Variants in DCDC1 observed in about 807,000 individuals in gnomAD.
DCDC1 encodes doublecortin domain-containing protein 1.
A neutral mutation model predicts 178.3 loss-of-function variants in DCDC1; 200 were observed. The ratio of observed to expected loss-of-function variants is 1.12; its 90% CI spans 1.00 to 1.26. DCDC1 has a LOEUF of 1.26. Among genes scored for constraint, DCDC1 ranks in the 50% most tolerant of loss-of-function variants. The pLI is 0.00. For missense variants in DCDC1, 1,983 were observed against 1,749.2 expected (o/e 1.13, Z -2.38); for synonymous variants, 690 against 604.8 (o/e 1.14, Z -2.07).
chr11:30,928,810 A>G (rs1165345273), intron 22 of DCDC1, among the ~76,000 whole-genome samples: 1 of 151,138 alleles, frequency 6.6e-6, no homozygotes, highest in African/African-American at 2.4e-5. Context: ...TCTTCTAATA[A>G]TGCTGAACAC....
intron 9 of DCDC1, among the ~76,000 whole-genome samples, chr11:31,198,329 G>C (rs890687996): frequency 1.3e-5 from 2 of 151,952 alleles, no homozygotes; most frequent in African/African-American, 4.8e-5. Context: ...GTGATCATGG[G>C]ACTTGTCTTG....
At chr11:31,136,129 C>T (rs1178079432) in intron 10 of DCDC1, among the ~76,000 whole-genome samples, 1 of 151,594 alleles carries the variant, frequency 6.6e-6, no homozygotes, top group Non-Finnish European at 1.5e-5. Flanking sequence ...TTTGCATTTC[C>T]CAAAGTTTCC....
intron 6 of DCDC1, among the ~76,000 whole-genome samples, chr11:31,302,532 T>C (rs1948181773): frequency 6.6e-6 from 1 of 152,164 alleles, no homozygotes; most frequent in African/African-American, 2.4e-5. Context: ...ATATAAAATA[T>C]TTCTATTTTC....
intron 1 of DCDC1, among the ~76,000 whole-genome samples, chr11:31,355,747 T>C (rs1001193316): frequency 2.3e-4 from 35 of 152,144 alleles, no homozygotes; most frequent in South Asian, 2.1e-4. Context: ...TTTTGTATTT[T>C]TAGTAGAGAC....
At chr11:31,227,838 A>C (rs1975205069) in intron 9 of DCDC1, among the ~76,000 whole-genome samples, 1 of 152,078 alleles carries the variant, frequency 6.6e-6, no homozygotes, top group Non-Finnish European at 1.5e-5. Flanking sequence ...CATTTGTGAA[A>C]AGAAAATTGG....
Position 31,290,732 on chromosome 11 carries a change from C to T in DCDC1, c.875G>A (p.Arg292Lys). The change falls in exon 7 of 39, where the codon AGG becomes AAG. Residue 292 changes from arginine (R) to lysine (K), a missense_variant. By Grantham distance (26) the Arg-to-Lys change is conservative. Coordinates refer to ENST00000684477, the MANE Select transcript of DCDC1 (RefSeq NM_001387274.1). Reference protein sequence around the residue: ...LSIRMKKLTERTSVRILFFKN... With the variant: ...LSIRMKKLTEKTSVRILFFKN... The stretch of plus-strand genomic sequence containing the variant: ...AAAGAACAGAATTCGGACTGAGGTC[C>T]TCTCAGTAAGTTTCTTCATTCTAAT... 6.2e-7 allele frequency: 1 copy of T among 1,613,450 alleles called. No homozygotes were observed. The highest frequency in any genetic ancestry group is 8.5e-7 in the Non-Finnish European group (1 of 1,179,572).
In DCDC1 at chr11:31,127,765, T is replaced by A. The variant is rs77100655; in HGVS notation, c.1315-126A>T. 155 of 575,220 alleles carry A rather than the reference T, an allele frequency of 2.7e-4. No homozygotes were observed. In the African/African-American group the frequency reaches 2.7e-3, roughly 10 times the overall value. 35.6% of individuals were successfully genotyped at this position (575,220 alleles called of 1,614,324 possible). A position where few individuals can be genotyped will look rare whatever the true frequency, so the allele number is the denominator to read the frequency against. On this transcript the variant is annotated intron_variant, in intron 10 of 38. Transcript: ENST00000684477. ...CAATACAGGAATTTGAGTACAGATC[T>A]ATCCTCAAGTAAAAACAATGAAAGA...
intron 20 of DCDC1, among the ~76,000 whole-genome samples, chr11:30,999,968 G>A (rs1951481076): frequency 6.6e-6 from 1 of 152,048 alleles, no homozygotes; most frequent in East Asian, 1.9e-4. Flanking sequence ...ATCTCCTTTA[G>A]TCACCAACCA....
At chr11:31,277,566 C>T (rs1366180849) in intron 7 of DCDC1, among the ~76,000 whole-genome samples, 1 of 152,096 alleles carries the variant, frequency 6.6e-6, no homozygotes, top group Non-Finnish European at 1.5e-5. Context: ...TATTTCTCCA[C>T]ATTTTCACCT....
At chr11:30,917,110 A>C in intron 25 of DCDC1, 82 bp from the exon 26 acceptor site, 1 of 1,340,392 alleles carries the variant, frequency 7.5e-7, no homozygotes. Context: ...TAGTCTGATC[A>C]TATTCCACAG....
intron 15 of DCDC1, among the ~76,000 whole-genome samples, chr11:31,094,901 G>A (rs764845243): frequency 1.1e-4 from 16 of 152,028 alleles, no homozygotes; most frequent in Middle Eastern, 6.8e-3. Flanking sequence ...CCATCAACCC[G>A]TCATCTACAT....
chr11:31,239,030 A>G (rs1324305403), intron 9 of DCDC1, among the ~76,000 whole-genome samples: 1 of 152,130 alleles, frequency 6.6e-6, no homozygotes, highest in Non-Finnish European at 1.5e-5. Context: ...TCCTTTGGGA[A>G]TGACAAAATT....
At chr11:31,057,265 AAGGG>A (rs566614815) in intron 20 of DCDC1, among the ~76,000 whole-genome samples, 112 of 128,340 alleles carry the variant, frequency 8.7e-4, no homozygotes, top group South Asian at 2.5e-3. Flanking sequence ...GGAAGGAAGG[AAGGG>A]AGGGAGGGAG....
intron 21 of DCDC1, among the ~76,000 whole-genome samples, chr11:30,945,992 A>G (rs1327016688): frequency 6.6e-6 from 1 of 151,968 alleles, no homozygotes; most frequent in Non-Finnish European, 1.5e-5. Context: ...TACCTATTCA[A>G]TCAAATTGAA....
chr11:30,943,916 C>A, intron 21 of DCDC1: 1 of 241,594 alleles, frequency 4.1e-6, no homozygotes. Flanking sequence ...GAGACATTAC[C>A]AAGATAATTC....
intron 8 of DCDC1, among the ~76,000 whole-genome samples, chr11:31,248,770 AAG>A (rs1565494226): frequency 6.6e-6 from 1 of 152,140 alleles, no homozygotes; most frequent in African/African-American, 2.4e-5. Context: ...TTGTTTCACA[AAG>A]ACAGAATCTT....
chr11:30,992,543 T>C (rs1951046413), intron 20 of DCDC1: 1 of 152,216 alleles, frequency 6.6e-6, no homozygotes, highest in Admixed American at 6.6e-5. Flanking sequence ...CTTCCAAGTA[T>C]TACCCCGTTA....
At chr11:31,174,449 G>A (rs753571300) in intron 9 of DCDC1, among the ~76,000 whole-genome samples, 212 of 152,318 alleles carry the variant, frequency 1.4e-3, no homozygotes, top group Non-Finnish European at 2.3e-3. Context: ...AGGGCAGCTC[G>A]GTGCTGGCCG....
In DCDC1 at chr11:31,328,940, C is replaced by T. The variant is rs188365741; in HGVS notation, c.-6-654G>A. 2.8e-3 allele frequency among the ~76,000 whole-genome samples: 357 copies of T among 125,554 alleles called. 5 individuals are homozygous for T. Among genetic ancestry groups the T allele is most frequent in the Non-Finnish European group, 4.4e-3 (267 of 60,494 alleles). The allele number at this position is 125,554 out of a possible 152,430, so 82.4% of individuals were successfully genotyped here. ...AATACGTTACTGAAAAAGCACACCACAAGGCTTTTTTTTTTTTTTTTTTTT... is the reference window on the plus strand; with the variant it reads ...AATACGTTACTGAAAAAGCACACCATAAGGCTTTTTTTTTTTTTTTTTTTT... On this transcript the variant is annotated intron_variant, in intron 2 of 38. Coordinates refer to ENST00000684477, the MANE Select transcript of DCDC1 (RefSeq NM_001387274.1).
Sources: allele counts gnomAD v4.1 joint callset (sites outside exome capture counted in the v4.1 genomes callset), GRCh38; gene constraint gnomAD v4.1.1; transcripts MANE v1.5; gene names NCBI Gene and HGNC (gene_info 2026-07-23, HGNC 2026-07-21).